Variants in PLCL1 observed in about 807,000 individuals in gnomAD.
PLCL1 encodes the protein inactive phospholipase C-like protein 1.
A neutral mutation model predicts 84.4 loss-of-function variants in PLCL1; 41 were observed. The ratio of observed to expected loss-of-function variants is 0.49; its 90% confidence interval spans 0.38 to 0.63. PLCL1 has a LOEUF of 0.63. PLCL1 is among the 30% of genes least tolerant of loss of function. The pLI, the probability that PLCL1 is intolerant of heterozygous loss-of-function variation, is 0.00. For synonymous variants in PLCL1, 490 were observed against 488.3 expected, an observed-to-expected ratio of 1.00 and a Z score of -0.05; for missense variants, 1,206 against 1,367.8, an observed-to-expected ratio of 0.88 and a Z score of 1.87.
chr2:197,845,054 T>C (rs886453187), intron 1 of PLCL1, among the ~76,000 whole-genome samples: 2 of 152,122 alleles, frequency 1.3e-5, no homozygotes, highest in Non-Finnish European at 2.9e-5. Flanking sequence ...GCTGTGTGTA[T>C]AGGTTCTAGT....
intron 5 of PLCL1, among the ~76,000 whole-genome samples, chr2:198,146,253 A>C (rs957865622): frequency 6.6e-6 from 1 of 152,208 alleles, no homozygotes; most frequent in Non-Finnish European, 1.5e-5. Context: ...AACAACAGGC[A>C]GATTGCAAGG....
chr2:198,101,169 G>A (rs1693322659), intron 3 of PLCL1, 116 bp from the exon 4 acceptor site: 1 of 689,290 alleles, frequency 1.5e-6, no homozygotes, highest in African/African-American at 1.8e-5. Flanking sequence ...CTGTTGTGGT[G>A]AGACTATGGC....
At chr2:197,964,408 T>C (rs562151439) in intron 1 of PLCL1, among the ~76,000 whole-genome samples, 3 of 152,282 alleles carry the variant, frequency 2.0e-5, no homozygotes, top group African/African-American at 7.2e-5. Context: ...TTGTTCATTG[T>C]TGGCATATAG....
At chr2:197,830,567 G>A (rs1465938748) in intron 1 of PLCL1, among the ~76,000 whole-genome samples, 1 of 152,034 alleles carries the variant, frequency 6.6e-6, no homozygotes, top group Non-Finnish European at 1.5e-5. Flanking sequence ...GAAAGAGATG[G>A]GGAGGATGGA....
In PLCL1 at chr2:197,870,035, G is replaced by A. The variant is rs559201617; in HGVS notation, c.240+64696G>A. ...AACAGGAAGGGTAATAAAGATTCCC[G>A]TGTATCTGGGCGGCCACGAAGCATC... On this transcript the variant is annotated intron_variant, in intron 1 of 5. Coordinates refer to ENST00000428675, the MANE Select transcript of PLCL1 (RefSeq NM_006226.4). 1.5e-3 allele frequency among the ~76,000 whole-genome samples: 224 copies of A among 152,134 alleles called. 4 individuals are homozygous for A. The highest frequency in any genetic ancestry group is 3.4e-3 in the Middle Eastern group (1 of 294).
At chr2:197,838,718 G>A (rs1015669811) in intron 1 of PLCL1, among the ~76,000 whole-genome samples, 4 of 152,140 alleles carry the variant, frequency 2.6e-5, no homozygotes, top group East Asian at 1.9e-4. Flanking sequence ...GGAGCTCCTC[G>A]ATACACTTCC....
At chr2:198,101,917 C>T (rs918300727) in intron 4 of PLCL1, among the ~76,000 whole-genome samples, 3 of 151,958 alleles carry the variant, frequency 2.0e-5, no homozygotes, top group Admixed American at 6.6e-5. Context: ...TCCACATACC[C>T]GATAATGATT....
At chr2:198,015,669 C>T (rs1270983646) in intron 1 of PLCL1, among the ~76,000 whole-genome samples, 1 of 152,098 alleles carries the variant, frequency 6.6e-6, no homozygotes, top group Non-Finnish European at 1.5e-5. Flanking sequence ...GAGAGACAGA[C>T]AGCTCCGAGT....
intron 1 of PLCL1, among the ~76,000 whole-genome samples, chr2:197,956,931 C>T (rs1689507980): frequency 6.6e-6 from 1 of 152,058 alleles, no homozygotes; most frequent in African/African-American, 2.4e-5. Context: ...TCAATTATAT[C>T]CCATTTATCA....
At chr2:198,044,248 G>T (rs1691735895) in intron 1 of PLCL1, among the ~76,000 whole-genome samples, 1 of 152,104 alleles carries the variant, frequency 6.6e-6, no homozygotes, top group South Asian at 2.1e-4. Flanking sequence ...CTACCCTCTT[G>T]CTGAACTCAA....
At chr2:197,986,375 A>T (rs1690217747) in intron 1 of PLCL1, among the ~76,000 whole-genome samples, 1 of 152,156 alleles carries the variant, frequency 6.6e-6, no homozygotes, top group African/African-American at 2.4e-5. Flanking sequence ...ATTTTAGAGC[A>T]GGGTCTCACC....
At chr2:198,071,098 GCACACACACACACACACACA>G (rs56759346) in intron 1 of PLCL1, 41 of 147,732 alleles carry the variant, frequency 2.8e-4, no homozygotes, top group Non-Finnish European at 5.4e-4. Flanking sequence ...TTTTAAGTAT[GCACACACACACACACACACA>G]CACACACACA....
intron 1 of PLCL1, among the ~76,000 whole-genome samples, chr2:197,896,009 G>A (rs1333170377): frequency 6.6e-6 from 1 of 151,856 alleles, no homozygotes; most frequent in Admixed American, 6.6e-5. Flanking sequence ...GGGCTAAAAT[G>A]CATTTTTGGA....
At chr2:198,081,224 T>C (rs1049790157) in intron 1 of PLCL1, among the ~76,000 whole-genome samples, 6 of 152,232 alleles carry the variant, frequency 3.9e-5, no homozygotes, top group African/African-American at 9.6e-5. Context: ...ACAATTCTAT[T>C]TGGAACATGA....
intron 1 of PLCL1, among the ~76,000 whole-genome samples, chr2:197,826,632 C>T (rs558131512): frequency 6.6e-6 from 1 of 152,268 alleles, no homozygotes; most frequent in South Asian, 2.1e-4. Context: ...GTTCATTCAT[C>T]TGTTCATTGA....
chr2:197,983,605 T>C (rs1379028380), intron 1 of PLCL1, among the ~76,000 whole-genome samples: 2 of 152,202 alleles, frequency 1.3e-5, no homozygotes, highest in Non-Finnish European at 2.9e-5. Context: ...TTTATGTTAG[T>C]TGTTGTTGTT....
chr2:197,862,730 A>G (rs1304221558), intron 1 of PLCL1, among the ~76,000 whole-genome samples: 1 of 152,156 alleles, frequency 6.6e-6, no homozygotes, highest in Admixed American at 6.5e-5. Flanking sequence ...AATGCCTGAG[A>G]TTAGATCTGT....
chr2:197,961,761 C>A (rs1689629215), intron 1 of PLCL1, among the ~76,000 whole-genome samples: 1 of 151,804 alleles, frequency 6.6e-6, no homozygotes, highest in Non-Finnish European at 1.5e-5. Flanking sequence ...AAACTTTAGA[C>A]CTTAGGGGTT....
At chr2:198,028,192 A>G (rs1052641662) in intron 1 of PLCL1, among the ~76,000 whole-genome samples, 3 of 152,222 alleles carry the variant, frequency 2.0e-5, no homozygotes, top group Non-Finnish European at 4.4e-5. Context: ...GACTTTCTCA[A>G]AATAAAAAGT....
Sources: gnomAD v4.1 joint callset for allele counts (sites outside exome capture counted in the v4.1 genomes callset) on GRCh38, gnomAD v4.1.1 for gene constraint, MANE v1.5 for transcripts, NCBI Gene and HGNC (gene_info 2026-07-23, HGNC 2026-07-21) for gene names.